Variants in SAP130 observed in about 807,000 individuals in gnomAD.
The protein encoded by SAP130 is Sin3A associated protein 130.
A neutral mutation model predicts 103.2 loss-of-function variants in SAP130; 16 were observed. That is an observed-to-expected ratio of 0.16 (90% confidence interval 0.10 to 0.24). The LOEUF is 0.24. SAP130 is among the 10% of genes least tolerant of loss of function. The probability of loss-of-function intolerance (pLI) is 1.00; values close to 1 mark genes in which losing one functional copy is unlikely to be tolerated. For synonymous variants in SAP130, 477 were observed against 497.0 expected (o/e 0.96, Z 0.53); for missense variants, 990 against 1,359.7 (o/e 0.73, Z 4.28).
Position 128,016,490 on chromosome 2 carries a change from G to C in SAP130, c.406C>G (p.Leu136Val). ...RPIAPAPPST[L>V]SLPPKVPGQV... is the part of the protein sequence containing the mutation. ...CCTGGAACCTTGGGGGGAAGTGACA[G>C]GGTAGAAGGTGGAGCAGGAGCAATG... Residue 136 changes from leucine (L) to valine (V), a missense_variant, in exon 4 of 21, where the codon CTG (leucine) becomes GTG (valine). By Grantham distance (32) the Leu-to-Val change is conservative (BLOSUM62 1). Coordinates refer to ENST00000643581, the MANE Select transcript of SAP130 (RefSeq NM_001330301.2). 1 of 1,614,092 alleles carries C rather than the reference G, an allele frequency of 6.2e-7. No homozygotes were observed. Among genetic ancestry groups the C allele is most frequent in the East Asian group, 2.2e-5 (1 of 44,876 alleles).
rs1313247739 is a variant in SAP130, at chr2:128,013,096, G to A, written c.678C>T (p.Thr226=). ...CAGTAGCAGCATTTGGCAGCTGTGA[G>A]GTCGGCCTCAGGACTGTGGTTACTT... is the stretch of plus-strand genomic sequence containing the variant. The part of the protein sequence containing the change: ...SSKVTTVLRP[T]SQLPNAATAQ... Residue 226 remains threonine (T), a synonymous_variant, in exon 6 of 21, where the codon ACC becomes ACT. Transcript: ENST00000643581. 2 of 1,613,480 alleles carry A rather than the reference G, an allele frequency of 1.2e-6. No individual in the cohort carries two copies. The highest frequency in any genetic ancestry group is 1.7e-6 in the Non-Finnish European group (2 of 1,179,854).
At position 127,986,975 on chromosome 2, in the gene SAP130, G is replaced by C. The variant is rs1253741695; in HGVS notation, c.1781-13C>G. The C allele has an allele frequency of 8.1e-6, 13 of 1,603,222 alleles. No homozygotes were observed. The highest frequency in any genetic ancestry group is 1.1e-5 in the Non-Finnish European group (13 of 1,171,356). ...GCCAACACCACTGCTACAGGAGAGAGGCAACAGGAAAGAACATTGAAGAGA... is the reference window on the plus strand; with the variant it reads ...GCCAACACCACTGCTACAGGAGAGACGCAACAGGAAAGAACATTGAAGAGA... On this transcript the variant is annotated splice_polypyrimidine_tract_variant and intron_variant, in intron 13 of 20. Transcript: ENST00000643581. The surrounding 1 kb of genome is among the most constrained non-coding windows in gnomAD (Gnocchi z 4.7).
rs150517736 is a variant in SAP130, at chr2:127,988,641, G to C, written c.1780+923C>G. Among the ~76,000 whole-genome samples the C allele has an allele frequency of 9.9e-3, 1,498 of 152,052 alleles. 12 individuals carry two copies. Among genetic ancestry groups the C allele is most frequent in the Non-Finnish European group, 0.016 (1,094 of 67,994 alleles). On this transcript the variant is annotated intron_variant, in intron 13 of 20. Coordinates refer to ENST00000643581, the MANE Select transcript of SAP130 (RefSeq NM_001330301.2). ...AAAGTGAGTAGACTACTTGAGCCCAGGAGTTTGAGACCAGCCTGGGCAACA... is the reference window on the plus strand; with the variant it reads ...AAAGTGAGTAGACTACTTGAGCCCACGAGTTTGAGACCAGCCTGGGCAACA...
At chr2:127,979,945 T>A (rs947983808) in intron 14 of SAP130, among the ~76,000 whole-genome samples, 1 of 151,692 alleles carries the variant, frequency 6.6e-6, no homozygotes, top group African/African-American at 2.4e-5. Flanking sequence ...TGGCACGATC[T>A]CAGCTCACTG....
At chr2:127,945,798 G>C (rs1000769319) in intron 18 of SAP130, among the ~76,000 whole-genome samples, 1 of 152,112 alleles carries the variant, frequency 6.6e-6, no homozygotes, top group African/African-American at 2.4e-5. Context: ...GACTACAGGT[G>C]TGCGCCATCA....
intron 5 of SAP130, among the ~76,000 whole-genome samples, chr2:128,013,759 C>T (rs1439391678): frequency 1.3e-5 from 2 of 152,134 alleles, no homozygotes; most frequent in Non-Finnish European, 1.5e-5. Context: ...CCTATTAGAA[C>T]TTAAGGGTAA....
chr2:127,970,236 A>C (rs1471355378), intron 15 of SAP130, among the ~76,000 whole-genome samples: 1 of 143,162 alleles, frequency 7.0e-6, no homozygotes, highest in Non-Finnish European at 1.5e-5. Flanking sequence ...AAAAAAAAAA[A>C]AAAATTTTAA....
intron 15 of SAP130, among the ~76,000 whole-genome samples, chr2:127,977,137 TA>T: frequency 6.6e-6 from 1 of 152,212 alleles, no homozygotes. Context: ...TATTTTTATA[TA>T]ATCTAATTAC....
In SAP130 at chr2:127,955,001, T is replaced by C. The variant is rs143876896; in HGVS notation, c.2407A>G (p.Met803Val). ...VKEEVEPMDI[M>V]RPVSAVPPLA... ...ACGGACTTACCAGAAACTGGCCTCATGATATCCATTGGTTCTACTTCTTCT... is the reference window on the plus strand; with the variant it reads ...ACGGACTTACCAGAAACTGGCCTCACGATATCCATTGGTTCTACTTCTTCT... The change falls in exon 16 of 21, where the codon ATG becomes GTG. Residue 803 changes from methionine (M) to valine (V), a missense_variant. By Grantham distance (21) the Met-to-Val change is conservative (BLOSUM62 1). This residue lies in a region of SAP130 where 349 missense variants were observed against 384.1 expected (regional missense o/e 0.91). Coordinates refer to ENST00000643581, the MANE Select transcript of SAP130 (RefSeq NM_001330301.2). This position sits in a 1 kb window ranked among gnomAD's most constrained non-coding sequence, Gnocchi z 4.9. 2.3e-4 allele frequency: 371 copies of C among 1,609,754 alleles called. 4 individuals carry two copies. In the Middle Eastern group the frequency reaches 0.013, roughly 55 times the overall value.
At chr2:128,017,545 G>A in intron 3 of SAP130, 135 bp downstream of exon 3, 1 of 732,224 alleles carries the variant, frequency 1.4e-6, no homozygotes, top group Non-Finnish European at 2.2e-6. Context: ...TTACAGAAAG[G>A]AGCTGAACTC....
intron 2 of SAP130, among the ~76,000 whole-genome samples, chr2:128,019,773 G>C (rs1685027110): frequency 6.6e-6 from 1 of 151,920 alleles, no homozygotes; most frequent in African/African-American, 2.4e-5. Flanking sequence ...TGTAATCCCA[G>C]ATACTCAGGA....
intron 15 of SAP130, among the ~76,000 whole-genome samples, chr2:127,975,625 A>G: frequency 6.6e-6 from 1 of 152,228 alleles, no homozygotes; most frequent in East Asian, 1.9e-4. Flanking sequence ...CACTGAAAGA[A>G]AATGGTAATT....
At chr2:127,992,324 A>G (rs1682866788) in intron 12 of SAP130, among the ~76,000 whole-genome samples, 2 of 148,298 alleles carry the variant, frequency 1.3e-5, no homozygotes, top group Non-Finnish European at 3.0e-5. Context: ...TCTGTCACCC[A>G]GACTGGAGTG....
chr2:128,001,302 G>A (rs538485034), intron 7 of SAP130, among the ~76,000 whole-genome samples: 5 of 152,284 alleles, frequency 3.3e-5, no homozygotes, highest in South Asian at 2.1e-4. Flanking sequence ...CAGGAGGACC[G>A]CTTAAGCCTG....
intron 15 of SAP130, among the ~76,000 whole-genome samples, chr2:127,976,029 G>A (rs1046061755): frequency 2.6e-5 from 4 of 152,156 alleles, no homozygotes; most frequent in African/African-American, 9.7e-5. Flanking sequence ...TGTGTTTTTA[G>A]TAGAGACAGG....
chr2:128,020,387 T>C (rs975870552), intron 2 of SAP130, among the ~76,000 whole-genome samples: 5 of 152,260 alleles, frequency 3.3e-5, no homozygotes, highest in Admixed American at 6.5e-5. Flanking sequence ...GTCTGTTTTT[T>C]AACTTTACGT....
intron 11 of SAP130, 73 bp from the exon 12 acceptor site, chr2:127,993,381 G>C: frequency 6.8e-7 from 1 of 1,464,640 alleles, no homozygotes; most frequent in South Asian, 1.4e-5. Flanking sequence ...CTATACCCCA[G>C]TTCCTCTTTG....
At chr2:127,970,868 CAA>C (rs1457459447) in intron 15 of SAP130, among the ~76,000 whole-genome samples, 7 of 152,128 alleles carry the variant, frequency 4.6e-5, no homozygotes, top group African/African-American at 1.4e-4. Context: ...CAACCCACAA[CAA>C]AGTCACTGAC....
At chr2:128,002,251 A>G (rs190813911) in intron 7 of SAP130, among the ~76,000 whole-genome samples, 19 of 152,340 alleles carry the variant, frequency 1.2e-4, no homozygotes, top group Admixed American at 3.9e-4. Context: ...TTAAAATAAC[A>G]TAAGATTTTA....
Sources: gnomAD v4.1 joint callset for allele counts (sites outside exome capture counted in the v4.1 genomes callset) on GRCh38, gnomAD v4.1.1 for gene constraint, gnomAD v4.1.1 regional missense constraint, Gnocchi (gnomAD v3.1) non-coding constraint, MANE v1.5 for transcripts, NCBI Gene and HGNC (gene_info 2026-07-23, HGNC 2026-07-21) for gene names.